The following HACD4 variants were observed in gnomAD, a reference collection of about 807,000 sequenced individuals.
HACD4 encodes the protein 3-hydroxyacyl-CoA dehydratase 4, also known as very-long-chain (3R)-3-hydroxyacyl-CoA dehydratase 4.
HACD4 carries 35 observed loss-of-function variants against 33.3 expected under a neutral mutation model. The ratio of observed to expected loss-of-function variants is 1.05; its 90% CI spans 0.80 to 1.39. The LOEUF is 1.39. Among genes scored for constraint, HACD4 ranks in the 40% most tolerant of loss-of-function variants. The pLI is 0.00. For missense variants in HACD4, 323 were observed against 276.5 expected, an observed-to-expected ratio of 1.17 and a Z score of -1.19; for synonymous variants, 118 against 98.0, an observed-to-expected ratio of 1.20 and a Z score of -1.21.
chr9:21,011,188 G>T (rs139117062), intron 5 of HACD4, among the ~76,000 whole-genome samples: 121 of 152,270 alleles, frequency 7.9e-4, no homozygotes, highest in African/African-American at 2.8e-3. Flanking sequence ...GCTGAGAGAG[G>T]GTAGGATACA....
intron 3 of HACD4, among the ~76,000 whole-genome samples, chr9:21,024,444 G>C (rs1351699320): frequency 6.6e-6 from 1 of 152,140 alleles, no homozygotes; most frequent in Non-Finnish European, 1.5e-5. Context: ...ATGTATATTT[G>C]CCCCTATGTT....
intron 3 of HACD4, among the ~76,000 whole-genome samples, chr9:21,022,898 G>A (rs1462304128): frequency 6.6e-6 from 1 of 151,760 alleles, no homozygotes; most frequent in Non-Finnish European, 1.5e-5. Flanking sequence ...AAATCATGCT[G>A]CTATAAAGAC....
chr9:21,030,896 G>A (rs1488629425), intron 1 of HACD4, among the ~76,000 whole-genome samples: 1 of 152,204 alleles, frequency 6.6e-6, no homozygotes, highest in Non-Finnish European at 1.5e-5. Flanking sequence ...TGGGAGTTCA[G>A]AAGAGTGACG....
rs1032666129 is a variant in HACD4, at chr9:21,016,014, A to T, written c.271-4T>A. On this transcript the variant is annotated splice_polypyrimidine_tract_variant and splice_region_variant and intron_variant, in intron 3 of 6. Transcript: ENST00000495827. Reference sequence around the variant, plus strand: ...GGATGATTATTCTTTCTGTGAGCTAACAAAGAAACAGCAAAGTCAGAAATT... The same window carrying T: ...GGATGATTATTCTTTCTGTGAGCTATCAAAGAAACAGCAAAGTCAGAAATT... The T allele has an allele frequency of 3.8e-6, 6 of 1,597,508 alleles. No individual in the cohort carries two copies. The highest frequency in any genetic ancestry group is 5.1e-6 in the Non-Finnish European group (6 of 1,165,818).
At chr9:21,030,545 T>G (rs900822334) in intron 1 of HACD4, among the ~76,000 whole-genome samples, 2 of 152,212 alleles carry the variant, frequency 1.3e-5, no homozygotes, top group Non-Finnish European at 1.5e-5. Context: ...CTCAGCTTGC[T>G]AAGTGCAGAA....
intron 4 of HACD4, among the ~76,000 whole-genome samples, chr9:21,011,959 C>G (rs1842448859): frequency 6.6e-6 from 1 of 152,152 alleles, no homozygotes; most frequent in African/African-American, 2.4e-5. Flanking sequence ...AATACAGTTA[C>G]AAATTTCCTT....
rs1488475814 is a variant in HACD4 at position 21,002,998 on chromosome 9, A to T, written c.*4039T>A. On this transcript the variant is annotated 3_prime_UTR_variant, in exon 7 of 7. Coordinates refer to ENST00000495827, the MANE Select transcript of HACD4 (RefSeq NM_001010915.5). ...GGAACATGTACTTAAGTAGAAAAAG[A>T]AATTACACCTTTATTTTCACTAATT... The T allele has an allele frequency of 6.6e-6, 1 of 152,168 alleles. No homozygotes were observed. The highest frequency in any genetic ancestry group is 6.5e-5 in the Admixed American group (1 of 15,282). 9.4% of individuals were successfully genotyped at this position (152,168 alleles called of 1,614,324 possible).
intron 3 of HACD4, among the ~76,000 whole-genome samples, chr9:21,026,081 G>T (rs989336401): frequency 1.1e-4 from 17 of 152,200 alleles, no homozygotes; most frequent in African/African-American, 3.9e-4. Flanking sequence ...AAGAGGGAAT[G>T]AGCAAGAAAT....
chr9:21,015,623 C>A, intron 4 of HACD4: 1 of 267,258 alleles, frequency 3.7e-6, no homozygotes. Flanking sequence ...TGTTAGGAAA[C>A]AGCTGAGGGT....
chr9:21,007,219 G>C, intron 6 of HACD4, 100 bp from the exon 7 acceptor site: 2 of 708,240 alleles, frequency 2.8e-6, no homozygotes, highest in East Asian at 5.1e-5. Context: ...CCAAATCCAG[G>C]GAGAAGACAC....
At chr9:21,016,313 T>C (rs1276611955) in intron 3 of HACD4, among the ~76,000 whole-genome samples, 1 of 152,214 alleles carries the variant, frequency 6.6e-6, no homozygotes, top group Non-Finnish European at 1.5e-5. Context: ...CAAGGCTTTA[T>C]TGAGTGTCCA....
At chr9:21,024,827 A>G (rs1271217124) in intron 3 of HACD4, among the ~76,000 whole-genome samples, 1 of 152,236 alleles carries the variant, frequency 6.6e-6, no homozygotes, top group Non-Finnish European at 1.5e-5. Flanking sequence ...AAATACCAAT[A>G]GAAAACATAA....
chr9:21,008,211 T>C (rs1587824190), intron 5 of HACD4, 65 bp from the exon 6 acceptor site: 2 of 1,339,512 alleles, frequency 1.5e-6, no homozygotes, highest in Non-Finnish European at 2.0e-6. Flanking sequence ...TGTGTATATA[T>C]GTCTTCATAG....
chr9:21,012,180 A>T (rs575679315), intron 4 of HACD4, among the ~76,000 whole-genome samples: 44 of 152,346 alleles, frequency 2.9e-4, no homozygotes, highest in African/African-American at 1.0e-3. Flanking sequence ...TGATTTGGGT[A>T]TAGTAGGGAG....
chr9:21,023,957 C>T (rs1389985589), intron 3 of HACD4, among the ~76,000 whole-genome samples: 1 of 152,214 alleles, frequency 6.6e-6, no homozygotes, highest in Non-Finnish European at 1.5e-5. Context: ...TAAAAGCAGC[C>T]ACTCTCTTAA....
At chr9:21,021,062 G>C (rs1266149268) in intron 3 of HACD4, among the ~76,000 whole-genome samples, 2 of 152,154 alleles carry the variant, frequency 1.3e-5, no homozygotes, top group Non-Finnish European at 2.9e-5. Flanking sequence ...TGGGATGCAA[G>C]GCTGGTTCAA....
intron 3 of HACD4, among the ~76,000 whole-genome samples, chr9:21,016,213 A>G (rs1842552030): frequency 6.6e-6 from 1 of 152,224 alleles, no homozygotes; most frequent in Non-Finnish European, 1.5e-5. Flanking sequence ...TACAAATAAT[A>G]TATAATGAAT....
intron 3 of HACD4, among the ~76,000 whole-genome samples, chr9:21,023,865 G>A (rs1217393018): frequency 6.6e-6 from 1 of 152,206 alleles, no homozygotes; most frequent in East Asian, 1.9e-4. Context: ...GTGAGCCACT[G>A]CACCTGGCCC....
At chr9:21,007,645 CCAAA>C (rs1249100712) in intron 6 of HACD4, among the ~76,000 whole-genome samples, 52 of 152,188 alleles carry the variant, frequency 3.4e-4, no homozygotes, top group Admixed American at 6.6e-4. Flanking sequence ...GCTTGAAAAG[CCAAA>C]CAAACAAGAA....
Sources: allele counts gnomAD v4.1 joint callset (sites outside exome capture counted in the v4.1 genomes callset), GRCh38; gene constraint gnomAD v4.1.1; transcripts MANE v1.5; gene names NCBI Gene and HGNC (gene_info 2026-07-23, HGNC 2026-07-21).